The following ANO10 variants were observed in gnomAD, a reference collection of about 807,000 sequenced individuals.
ANO10 encodes the protein anoctamin-10.
ANO10 carries 77 observed loss-of-function variants against 74.7 expected under a neutral mutation model. The observed-to-expected ratio is 1.03, with a 90% CI of 0.86 to 1.25. The LOEUF is 1.25. ANO10 is among the 50% of genes most tolerant of loss of function. The pLI is 0.00. For missense variants in ANO10, 721 were observed against 778.1 expected (o/e 0.93, Z 0.87); for synonymous variants, 279 against 284.9 (o/e 0.98, Z 0.21).
chr3:43,617,071 A>C (rs2083146778), intron 1 of ANO10, among the ~76,000 whole-genome samples: 1 of 151,062 alleles, frequency 6.6e-6, no homozygotes, highest in South Asian at 2.1e-4. Flanking sequence ...GGTGGAAACA[A>C]GAAGCCTCAT....
chr3:43,601,275 G>A (rs563705915), intron 2 of ANO10, among the ~76,000 whole-genome samples: 1 of 152,222 alleles, frequency 6.6e-6, no homozygotes, highest in African/African-American at 2.4e-5. Flanking sequence ...GCACGATCTT[G>A]GCTCACTGCA....
At chr3:43,574,274 C>CTT (rs561626586) in intron 7 of ANO10, among the ~76,000 whole-genome samples, 2,118 of 111,354 alleles carry the variant, frequency 0.019, 55 homozygotes, top group African/African-American at 0.064. Flanking sequence ...TCCTTTCTTT[C>CTT]TTTTTTTTTT....
At chr3:43,603,883 G>A (rs1242819334) in intron 2 of ANO10, among the ~76,000 whole-genome samples, 1 of 152,072 alleles carries the variant, frequency 6.6e-6, no homozygotes, top group Admixed American at 6.5e-5. Context: ...TTAATATTTT[G>A]GAAACTGAAT....
At chr3:43,676,570 A>AG (rs1263013050) in intron 1 of ANO10, among the ~76,000 whole-genome samples, 1 of 152,178 alleles carries the variant, frequency 6.6e-6, no homozygotes, top group African/African-American at 2.4e-5. Flanking sequence ...TATGTGCAGG[A>AG]GGGAAGTGGG....
chr3:43,546,211 G>A (rs182140827), intron 11 of ANO10, among the ~76,000 whole-genome samples: 62 of 152,272 alleles, frequency 4.1e-4, no homozygotes, highest in African/African-American at 1.4e-3. Context: ...ACTTCTGATC[G>A]ATAGTTAACA....
At chr3:43,457,805 A>G (rs2075201588) in intron 11 of ANO10, among the ~76,000 whole-genome samples, 1 of 152,188 alleles carries the variant, frequency 6.6e-6, no homozygotes, top group South Asian at 2.1e-4. Context: ...GGTGGAAATC[A>G]AATTAACTAA....
intron 11 of ANO10, among the ~76,000 whole-genome samples, chr3:43,459,569 A>T (rs1040541451): frequency 1.3e-5 from 2 of 152,162 alleles, no homozygotes. Flanking sequence ...AAGAGGTGAC[A>T]TGGCTAAGAG....
chr3:43,427,217 C>T (rs939923218), intron 12 of ANO10, among the ~76,000 whole-genome samples: 2 of 152,106 alleles, frequency 1.3e-5, no homozygotes, highest in African/African-American at 4.8e-5. Flanking sequence ...AAGGTGGCCT[C>T]AAACTTGCTT....
intron 11 of ANO10, among the ~76,000 whole-genome samples, chr3:43,537,611 C>CCACACACACACACA (rs3223349): frequency 3.6e-5 from 5 of 139,958 alleles, no homozygotes; most frequent in South Asian, 2.4e-4. Context: ...ACTTTATAAA[C>CCACACACACACACA]CACACACACA....
chr3:43,543,221 C>A (rs1177380248), intron 11 of ANO10, among the ~76,000 whole-genome samples: 1 of 152,092 alleles, frequency 6.6e-6, no homozygotes, highest in South Asian at 2.1e-4. Flanking sequence ...ATCAGTGAAT[C>A]CTGATAAAGA....
chr3:43,691,073 C>A, intron 1 of ANO10: 1 of 1,515,440 alleles, frequency 6.6e-7, no homozygotes, highest in Non-Finnish European at 8.9e-7. Flanking sequence ...TCGTGTGTCT[C>A]CGGCGCGCAC....
intron 1 of ANO10, among the ~76,000 whole-genome samples, chr3:43,673,663 A>G (rs939072603): frequency 2.0e-5 from 3 of 152,232 alleles, no homozygotes; most frequent in Non-Finnish European, 2.9e-5. Flanking sequence ...ATAGAGTAGA[A>G]AAATATCTTT....
At chr3:43,575,309 AG>A (rs1350807324) in intron 6 of ANO10, among the ~76,000 whole-genome samples, 1 of 152,236 alleles carries the variant, frequency 6.6e-6, no homozygotes, top group East Asian at 1.9e-4. Context: ...ATCTTCACCT[AG>A]AAAAGGTAAT....
intron 3 of ANO10, among the ~76,000 whole-genome samples, chr3:43,599,408 G>A (rs900362395): frequency 6.6e-6 from 1 of 152,048 alleles, no homozygotes; most frequent in African/African-American, 2.4e-5. Context: ...TAGAACCAAC[G>A]ACCCTATCAC....
In ANO10 at chr3:43,683,918, C is replaced by G. The variant is rs561621576; in HGVS notation, c.-12+7599G>C. Among the ~76,000 whole-genome samples the G allele has an allele frequency of 3.3e-5, 5 of 152,238 alleles. No individual in the cohort carries two copies. In the East Asian group the frequency reaches 9.6e-4, roughly 29 times the overall value. On this transcript the variant is annotated intron_variant, in intron 1 of 3. Transcript: ENST00000413397. The stretch of plus-strand genomic sequence containing the variant: ...CTGGAACCCTTCCTTACACCTTATA[C>G]AAAAATTAATTCAAGATGGATTAAA...
At position 43,685,159 on chromosome 3, in the gene ANO10, CCTTA is replaced by C. The variant is rs1375415857; in HGVS notation, c.-12+6354_-12+6357del. Reference sequence around the variant, plus strand: ...GGCATAAAGCCATTTGTAGTATTCGCCTTACTATCTTTTGAATATGTTGGTAAGA... The same window carrying C: ...GGCATAAAGCCATTTGTAGTATTCGCCTATCTTTTGAATATGTTGGTAAGA... On this transcript the variant is annotated intron_variant, in intron 1 of 3. Coordinates refer to the ANO10 transcript ENST00000413397. 3.3e-5 allele frequency among the ~76,000 whole-genome samples: 5 copies of C among 152,144 alleles called. No homozygotes were observed. In the South Asian group the frequency reaches 6.2e-4, roughly 19 times the overall value.
intron 11 of ANO10, chr3:43,485,104 TG>T: frequency 9.8e-7 from 1 of 1,017,468 alleles, no homozygotes; most frequent in Admixed American, 1.8e-5. Context: ...ACTTGCTGGC[TG>T]CGATCACCTC....
At chr3:43,483,273 C>A (rs1211031657) in intron 11 of ANO10, among the ~76,000 whole-genome samples, 2 of 152,174 alleles carry the variant, frequency 1.3e-5, no homozygotes, top group African/African-American at 4.8e-5. Flanking sequence ...GCCCTTAAAC[C>A]TTTTACTCAT....
rs190564253 is a variant in ANO10 at position 43,369,778 on chromosome 3, C to T, written c.1915-2804G>A. Among the ~76,000 whole-genome samples the T allele has an allele frequency of 2.1e-4, 32 of 152,354 alleles. No individual in the cohort carries two copies. The East Asian group carries it at 6.2e-3, about 29-fold the overall frequency. On this transcript the variant is annotated intron_variant, in intron 12 of 12. Transcript: ENST00000292246. ...CCAATGGCAGAACCAGAAATTAAAA[C>T]CTGCAGCTAAAGTCCAAAGAAAAAC...
Sources: allele counts gnomAD v4.1 joint callset (sites outside exome capture counted in the v4.1 genomes callset), GRCh38; gene constraint gnomAD v4.1.1; transcripts MANE v1.5; gene names NCBI Gene and HGNC (gene_info 2026-07-23, HGNC 2026-07-21).